Variants in KCTD1 observed in about 807,000 individuals in gnomAD.
KCTD1 encodes the protein BTB/POZ domain-containing protein KCTD1.
Under a neutral mutation model 66.0 loss-of-function variants are expected in KCTD1, and 24 were observed. The observed-to-expected ratio is 0.36, with a 90% CI of 0.26 to 0.51. The LOEUF (loss-of-function observed/expected upper bound fraction) is 0.51. Ranked by LOEUF, KCTD1 falls within the 20% of genes least tolerant of loss-of-function variation. The probability of loss-of-function intolerance (pLI) is 0.95; values close to 1 mark genes in which losing one functional copy is unlikely to be tolerated. For synonymous variants in KCTD1, 511 were observed against 517.2 expected (o/e 0.99, Z 0.16); for missense variants, 943 against 1,205.2 (o/e 0.78, Z 3.22).
chr18:26,613,137 C>G (rs1221907343), intron 1 of KCTD1, among the ~76,000 whole-genome samples: 4 of 152,136 alleles, frequency 2.6e-5, no homozygotes, highest in Admixed American at 2.6e-4. Context: ...CTGAGCTAAA[C>G]AGTGTATTTT....
At chr18:26,598,471 T>C (rs1239008860) in intron 1 of KCTD1, among the ~76,000 whole-genome samples, 2 of 149,668 alleles carry the variant, frequency 1.3e-5, no homozygotes, top group Non-Finnish European at 3.0e-5. Flanking sequence ...TCTCTTTTTT[T>C]ACACACACAC....
At chr18:26,529,666 T>C (rs990629956) in intron 1 of KCTD1, among the ~76,000 whole-genome samples, 1 of 152,216 alleles carries the variant, frequency 6.6e-6, no homozygotes, top group African/African-American at 2.4e-5. Context: ...CTTTGTCCTC[T>C]CAGACCACAT....
chr18:26,463,807 G>T (rs149143034), intron 3 of KCTD1, among the ~76,000 whole-genome samples: 54 of 152,322 alleles, frequency 3.5e-4, no homozygotes, highest in African/African-American at 1.3e-3. Context: ...GAAATGCCGG[G>T]ATTACAGGCG....
At chr18:26,565,961 T>C (rs1985971421) in intron 1 of KCTD1, 1 of 151,876 alleles carries the variant, frequency 6.6e-6, no homozygotes, top group African/African-American at 2.4e-5. Context: ...AGGAAAAATG[T>C]GTTTCTTTGA....
At chr18:26,620,927 G>T (rs62085523) in intron 1 of KCTD1, among the ~76,000 whole-genome samples, 9,123 of 151,136 alleles carry the variant, frequency 0.06, 305 homozygotes, top group East Asian at 0.082. Flanking sequence ...CCGCCTCCCG[G>T]GTTCACGCCA....
chr18:26,653,769 C>T (rs561398126), intron 1 of KCTD1, among the ~76,000 whole-genome samples: 2 of 152,320 alleles, frequency 1.3e-5, no homozygotes, highest in Non-Finnish European at 2.9e-5. Context: ...TTACATCTAG[C>T]ATGTTTTTAT....
intron 2 of KCTD1, among the ~76,000 whole-genome samples, chr18:26,490,807 C>T (rs1982157227): frequency 6.6e-6 from 1 of 151,930 alleles, no homozygotes; most frequent in Admixed American, 6.5e-5. Context: ...GTCTGAAGTA[C>T]AGTAGTGTGA....
chr18:26,523,588 C>A (rs566627686), intron 1 of KCTD1, among the ~76,000 whole-genome samples: 1 of 151,948 alleles, frequency 6.6e-6, no homozygotes, highest in South Asian at 2.1e-4. Flanking sequence ...GTGTTCAAGG[C>A]CAGCTGGGAC....
chr18:26,582,206 AG>A (rs1385440891), intron 1 of KCTD1, among the ~76,000 whole-genome samples: 2 of 151,316 alleles, frequency 1.3e-5, no homozygotes, highest in African/African-American at 4.9e-5. Context: ...TGGGAGGTGG[AG>A]GTTACAGGTG....
intron 1 of KCTD1, among the ~76,000 whole-genome samples, chr18:26,652,465 A>T (rs1397188517): frequency 6.6e-6 from 1 of 152,220 alleles, no homozygotes; most frequent in Non-Finnish European, 1.5e-5. Context: ...ACGGACTTTT[A>T]AAAAGCATCC....
At chr18:26,506,443 A>G (rs571117722) in intron 1 of KCTD1, among the ~76,000 whole-genome samples, 29 of 152,318 alleles carry the variant, frequency 1.9e-4, no homozygotes, top group Non-Finnish European at 2.2e-4. Context: ...GTTAACAAAC[A>G]CTGGGAGGTT....
chr18:26,559,348 AAT>A (rs1985789250), intron 1 of KCTD1, among the ~76,000 whole-genome samples: 1 of 152,364 alleles, frequency 6.6e-6, no homozygotes, highest in African/African-American at 2.4e-5. Context: ...GCCTTAACAA[AAT>A]ATCTCATGTA....
At chr18:26,608,018 A>C (rs1987055701) in intron 1 of KCTD1, among the ~76,000 whole-genome samples, 1 of 151,856 alleles carries the variant, frequency 6.6e-6, no homozygotes, top group African/African-American at 2.4e-5. Flanking sequence ...CAATCTTCCC[A>C]CCTCAGCCTC....
intron 1 of KCTD1, among the ~76,000 whole-genome samples, chr18:26,569,900 A>G (rs1219709947): frequency 6.6e-6 from 1 of 152,226 alleles, no homozygotes; most frequent in African/African-American, 2.4e-5. Flanking sequence ...CTAAAAGGTC[A>G]CATAGGCCGG....
At chr18:26,564,206 A>G (rs938346877) in intron 1 of KCTD1, among the ~76,000 whole-genome samples, 2 of 152,294 alleles carry the variant, frequency 1.3e-5, no homozygotes, top group Admixed American at 1.3e-4. Flanking sequence ...CAGACTGAGC[A>G]TGGACTTGGA....
At chr18:26,570,191 A>AT (rs1555643816) in intron 1 of KCTD1, among the ~76,000 whole-genome samples, 10 of 132,548 alleles carry the variant, frequency 7.5e-5, no homozygotes, top group African/African-American at 2.4e-4. Context: ...ATCTAAAAAA[A>AT]ATATATATAT....
intron 1 of KCTD1, among the ~76,000 whole-genome samples, chr18:26,574,543 GTACA>G (rs1234835549): frequency 6.6e-6 from 1 of 152,200 alleles, no homozygotes; most frequent in Non-Finnish European, 1.5e-5. Context: ...AAGGCACTCA[GTACA>G]TATCTGTTGA....
chr18:26,555,183 C>A (rs1303501988), intron 1 of KCTD1, among the ~76,000 whole-genome samples: 1 of 152,120 alleles, frequency 6.6e-6, no homozygotes, highest in Non-Finnish European at 1.5e-5. Context: ...ATTCCTGAAA[C>A]GATTTGCTGT....
intron 3 of KCTD1, among the ~76,000 whole-genome samples, chr18:26,463,639 C>T (rs950841588): frequency 2.0e-5 from 3 of 152,060 alleles, no homozygotes; most frequent in South Asian, 2.1e-4. Flanking sequence ...TGGGTTCAAG[C>T]GATTCTCCAT....
Sources: allele counts gnomAD v4.1 joint callset (sites outside exome capture counted in the v4.1 genomes callset), GRCh38; gene constraint gnomAD v4.1.1; transcripts MANE v1.5; gene names NCBI Gene and HGNC (gene_info 2026-07-23, HGNC 2026-07-21).